SPAG16: variants seen among roughly 807,000 people sequenced by gnomAD.
SPAG16 encodes the protein sperm associated antigen 16.
Under a neutral mutation model 80.4 loss-of-function variants are expected in SPAG16, and 86 were observed. That is an observed-to-expected ratio of 1.07 (90% CI 0.90 to 1.28). The LOEUF (loss-of-function observed/expected upper bound fraction) is 1.28. Among genes scored for constraint, SPAG16 ranks in the 50% most tolerant of loss-of-function variants. SPAG16 has a pLI of 0.00. For missense variants in SPAG16, 870 were observed against 765.3 expected, an observed-to-expected ratio of 1.14 and a Z score of -1.61; for synonymous variants, 294 against 265.9, an observed-to-expected ratio of 1.11 and a Z score of -1.03.
At chr2:213,443,874 A>T (rs919736420) in intron 9 of SPAG16, among the ~76,000 whole-genome samples, 1 of 151,958 alleles carries the variant, frequency 6.6e-6, no homozygotes, top group Admixed American at 6.6e-5. Context: ...GCTGGAGGAG[A>T]GGTGTGGGAA....
At chr2:213,559,469 T>C (rs1422766151) in intron 10 of SPAG16, among the ~76,000 whole-genome samples, 1 of 152,186 alleles carries the variant, frequency 6.6e-6, no homozygotes, top group Non-Finnish European at 1.5e-5. Context: ...AGACCATTTT[T>C]ACATAAATTG....
chr2:214,178,414 G>A (rs1383973977), intron 15 of SPAG16, among the ~76,000 whole-genome samples: 2 of 151,180 alleles, frequency 1.3e-5, no homozygotes, highest in Non-Finnish European at 3.0e-5. Context: ...ACAGGTGGTT[G>A]AACAAAAAAT....
At chr2:213,725,541 A>G (rs1409148481) in intron 10 of SPAG16, among the ~76,000 whole-genome samples, 1 of 152,220 alleles carries the variant, frequency 6.6e-6, no homozygotes, top group Admixed American at 6.5e-5. Context: ...ATAGCATCCC[A>G]AGATGGGGCT....
chr2:214,013,216 G>A (rs1166062047), intron 12 of SPAG16, among the ~76,000 whole-genome samples: 1 of 147,622 alleles, frequency 6.8e-6, no homozygotes, highest in Non-Finnish European at 1.5e-5. Flanking sequence ...ATTAATCGGT[G>A]CATTAATAAT....
chr2:213,415,072 G>T (rs924663091), intron 9 of SPAG16, among the ~76,000 whole-genome samples: 8 of 152,202 alleles, frequency 5.3e-5, no homozygotes, highest in African/African-American at 1.9e-4. Context: ...CCCACAACAC[G>T]TGGGAATTAC....
chr2:213,532,903 A>G (rs927132066), intron 10 of SPAG16, among the ~76,000 whole-genome samples: 1 of 152,184 alleles, frequency 6.6e-6, no homozygotes, highest in Non-Finnish European at 1.5e-5. Context: ...TAGCTATTTA[A>G]AGGTTAATCC....
intron 15 of SPAG16, among the ~76,000 whole-genome samples, chr2:214,361,388 T>TA (rs1699171005): frequency 6.6e-6 from 1 of 151,858 alleles, no homozygotes; most frequent in South Asian, 2.1e-4. Context: ...ATTCTTAGGC[T>TA]ACATTCTACA....
At chr2:213,329,352 T>C (rs2063986799) in intron 5 of SPAG16, among the ~76,000 whole-genome samples, 1 of 152,140 alleles carries the variant, frequency 6.6e-6, no homozygotes, top group African/African-American at 2.4e-5. Flanking sequence ...GATAATGATA[T>C]GGACAAAGAA....
chr2:213,311,547 G>A (rs570480519), intron 4 of SPAG16, among the ~76,000 whole-genome samples: 1 of 151,566 alleles, frequency 6.6e-6, no homozygotes, highest in Non-Finnish European at 1.5e-5. Context: ...TAAGATTACT[G>A]TTAGTATTAG....
Position 214,132,120 on chromosome 2 carries a change from TA to T in SPAG16, c.1594-17015del, listed in dbSNP as rs2054812383. On this transcript the variant is annotated intron_variant, in intron 14 of 15. Coordinates refer to ENST00000331683, the MANE Select transcript of SPAG16 (RefSeq NM_024532.5). ...CCTGCTCTAAAAAAAATAAAGACTT[TA>T]AAAATAATCAGTGGGTATATCGGGT... 2.0e-5 allele frequency among the ~76,000 whole-genome samples: 3 copies of T among 152,326 alleles called. No homozygotes were observed. The South Asian group carries it at 6.2e-4, about 32-fold the overall frequency.
intron 15 of SPAG16, among the ~76,000 whole-genome samples, chr2:214,365,052 G>T (rs1323478395): frequency 6.6e-6 from 1 of 152,146 alleles, no homozygotes; most frequent in Non-Finnish European, 1.5e-5. Context: ...CATTGTAAAG[G>T]TACCTTCCAA....
At chr2:213,299,450 T>G (rs1035880220) in intron 3 of SPAG16, among the ~76,000 whole-genome samples, 8 of 145,380 alleles carry the variant, frequency 5.5e-5, no homozygotes, top group Non-Finnish European at 1.1e-4. Flanking sequence ...TTTTTTTTTT[T>G]TGTATTTTTA....
chr2:214,335,419 T>G (rs937440246), intron 15 of SPAG16, among the ~76,000 whole-genome samples: 1 of 152,082 alleles, frequency 6.6e-6, no homozygotes, highest in Non-Finnish European at 1.5e-5. Context: ...TTTTATTTAT[T>G]GAAACAACTA....
intron 12 of SPAG16, among the ~76,000 whole-genome samples, chr2:213,996,857 C>T (rs1019609998): frequency 3.9e-5 from 6 of 152,078 alleles, no homozygotes; most frequent in Admixed American, 1.3e-4. Context: ...TGTGAGCCGC[C>T]GCACCCGGCC....
At chr2:213,451,593 G>C (rs2125576808) in intron 9 of SPAG16, among the ~76,000 whole-genome samples, 1 of 152,274 alleles carries the variant, frequency 6.6e-6, no homozygotes, top group East Asian at 1.9e-4. Flanking sequence ...AGTGAAATTG[G>C]AGCAAAAGTT....
chr2:213,946,365 G>A (rs911022433), intron 12 of SPAG16, among the ~76,000 whole-genome samples: 4 of 151,960 alleles, frequency 2.6e-5, no homozygotes, highest in African/African-American at 4.8e-5. Flanking sequence ...TACCTGCCTC[G>A]GCCTCCCAGA....
intron 15 of SPAG16, among the ~76,000 whole-genome samples, chr2:214,158,172 C>G (rs1000728645): frequency 6.6e-6 from 1 of 151,856 alleles, no homozygotes; most frequent in Non-Finnish European, 1.5e-5. Flanking sequence ...AGGTTCACAG[C>G]CTAAGTTTTA....
chr2:213,951,424 G>A (rs1028538509), intron 12 of SPAG16, among the ~76,000 whole-genome samples: 2 of 152,106 alleles, frequency 1.3e-5, no homozygotes, highest in Non-Finnish European at 2.9e-5. Flanking sequence ...ATCTCTTAAA[G>A]GTAGAGAAAC....
At chr2:214,294,963 G>A (rs920160386) in intron 15 of SPAG16, among the ~76,000 whole-genome samples, 8 of 152,136 alleles carry the variant, frequency 5.3e-5, no homozygotes, top group Non-Finnish European at 1.2e-4. Context: ...TTGATTTATT[G>A]GAAAAGAATG....
Sources: allele counts gnomAD v4.1 joint callset (sites outside exome capture counted in the v4.1 genomes callset), GRCh38; gene constraint gnomAD v4.1.1; transcripts MANE v1.5; gene names NCBI Gene and HGNC (gene_info 2026-07-23, HGNC 2026-07-21).